The following INSM1 variants were observed in gnomAD, a reference collection of about 807,000 sequenced individuals.
INSM1 encodes the protein insulinoma-associated protein 1.
In INSM1, 11 loss-of-function variants were observed where a neutral mutation model predicts 21.1. That is an observed-to-expected ratio of 0.52 (90% CI 0.33 to 0.86). The LOEUF is 0.86. Among genes scored for constraint, INSM1 ranks in the 40% least tolerant of loss-of-function variants. INSM1 has a pLI of 0.03. For synonymous variants in INSM1, 473 were observed against 386.1 expected (o/e 1.23, Z -2.64); for missense variants, 843 against 760.1 (o/e 1.11, Z -1.28).
Position 20,370,115 on chromosome 20 carries a change from C to A in INSM1, c.*315C>A, listed in dbSNP as rs888747893. On this transcript the variant is annotated 3_prime_UTR_variant, in exon 1 of 1. Coordinates refer to ENST00000310227, the MANE Select transcript of INSM1 (RefSeq NM_002196.3). ...CTCGTGGTTGGAAGCCTCCCCTTGG[C>A]GGGGAGAAGCTTTTTTTCTTGCTAG... 2 of 327,162 alleles carry A rather than the reference C, an allele frequency of 6.1e-6. No homozygotes were observed. Among genetic ancestry groups the A allele is most frequent in the East Asian group, 1.1e-4 (2 of 18,112 alleles). 20.3% of individuals were successfully genotyped at this position (327,162 alleles called of 1,614,324 possible).
In INSM1 at chr20:20,368,970, G is replaced by A. The variant is rs767489803; in HGVS notation, c.703G>A (p.Val235Met). 1.3e-5 allele frequency: 20 copies of A among 1,554,598 alleles called. No homozygotes were observed. In the South Asian group the frequency reaches 2.2e-4, roughly 17 times the overall value. ...CCGCAAGCTGCACTTCGAGGACGAG[G>A]TGACCACGTCGCCCGTGCTGGGGCT... ...AIRKLHFEDE[V>M]TTSPVLGLKI... The change falls in exon 1 of 1, where the codon GTG becomes ATG. Residue 235 changes from valine to methionine, a missense_variant. Physicochemically the swap from Val to Met is conservative, Grantham distance 21. Coordinates refer to ENST00000310227, the MANE Select transcript of INSM1 (RefSeq NM_002196.3). This position sits in a 1 kb window ranked among gnomAD's most constrained non-coding sequence, Gnocchi z 4.3.
chr20:20,369,451 C>T lies in INSM1; in HGVS notation c.1184C>T (p.Ala395Val). The T allele has an allele frequency of 6.5e-7, 1 of 1,536,824 alleles. No homozygotes were observed. The highest frequency in any genetic ancestry group is 8.7e-7 in the Non-Finnish European group (1 of 1,152,468). ...CTGGCGCACCACCAGGCGCTGCAGG[C>T]CAAGGGCGCGCCGCTAGCGCCCCCG... ...HLLAHHQALQ[A>V]KGAPLAPPAE... The change falls in exon 1 of 1, where the codon GCC (alanine) becomes GTC (valine). Residue 395 changes from alanine (A) to valine (V), a missense_variant. By Grantham distance (64) the Ala-to-Val change is moderately conservative (BLOSUM62 0). Coordinates refer to ENST00000310227, the MANE Select transcript of INSM1 (RefSeq NM_002196.3). This position sits in a 1 kb window ranked among gnomAD's most constrained non-coding sequence, Gnocchi z 5.6.
Position 20,368,427 on chromosome 20 carries a change from C to G in INSM1, c.160C>G (p.Pro54Ala). ...GCCGAGCCCGGTCCCCGGGCCGCTG[C>G]CGCCGCCGCCGCCCGCGGAGCGCGC... is the stretch of plus-strand genomic sequence containing the variant. The part of the protein sequence containing the change: ...PAPSPVPGPL[P>A]PPPPAERAHA... The change falls in exon 1 of 1, where the codon CCG becomes GCG. Residue 54 changes from proline (P) to alanine (A), a missense_variant. By Grantham distance (27) the Pro-to-Ala change is conservative. Transcript: ENST00000310227. The surrounding 1 kb of genome is among the most constrained non-coding windows in gnomAD (Gnocchi z 4.3). 3.0e-6 allele frequency: 3 copies of G among 986,884 alleles called. No homozygotes were observed. Among genetic ancestry groups the G allele is most frequent in the Non-Finnish European group, 3.6e-6 (3 of 832,386 alleles). 61.1% of individuals were successfully genotyped at this position (986,884 alleles called of 1,614,324 possible).
chr20:20,368,923 G>C lies in INSM1; in HGVS notation c.656G>C (p.Gly219Ala), dbSNP rs764333302. Residue 219 changes from glycine to alanine, a missense_variant, in exon 1 of 1, where the codon GGC becomes GCC. Physicochemically the swap from Gly to Ala is moderately conservative, Grantham distance 60. Coordinates refer to ENST00000310227, the MANE Select transcript of INSM1 (RefSeq NM_002196.3). The surrounding 1 kb of genome is among the most constrained non-coding windows in gnomAD (Gnocchi z 4.3). ...EPPAKAVKAP[G>A]AKKPKAIRKL... The stretch of plus-strand genomic sequence containing the variant: ...CCCGCCAAGGCAGTCAAGGCCCCGG[G>C]CGCCAAGAAGCCCAAGGCCATCCGC... The C allele has an allele frequency of 5.9e-6, 9 of 1,520,658 alleles. No individual in the cohort carries two copies. The South Asian group carries it at 1.1e-4, about 19-fold the overall frequency. 94.2% of individuals were successfully genotyped at this position (1,520,658 alleles called of 1,614,324 possible).
Position 20,368,768 on chromosome 20 carries a change from C to A in INSM1, c.501C>A (p.Leu167=). The A allele has an allele frequency of 8.8e-7, 1 of 1,139,188 alleles. No individual in the cohort carries two copies. The highest frequency in any genetic ancestry group is 1.1e-6 in the Non-Finnish European group (1 of 910,680). 70.6% of individuals were successfully genotyped at this position (1,139,188 alleles called of 1,614,324 possible). Residue 167 remains leucine (L), a synonymous_variant, in exon 1 of 1, where the codon CTC becomes CTA. Coordinates refer to ENST00000310227, the MANE Select transcript of INSM1 (RefSeq NM_002196.3). The surrounding 1 kb of genome is among the most constrained non-coding windows in gnomAD (Gnocchi z 4.3). ...CGCTGCTCTTCGCGCCCGCCGAGCT[C>A]AAGATGGGCACGGCGTTCTCGGCTG... The part of the protein sequence containing the change: ...GDPLLFAPAE[L]KMGTAFSAGA...
rs1192016430 is a variant in INSM1 at position 20,368,228 on chromosome 20, G to C, written c.-40G>C. 1 of 1,100,028 alleles carries C rather than the reference G, an allele frequency of 9.1e-7. No homozygotes were observed. The highest frequency in any genetic ancestry group is 3.4e-5 in the South Asian group (1 of 29,236). The allele number at this position is 1,100,028 out of a possible 1,614,324, so 68.1% of individuals were successfully genotyped here. On this transcript the variant is annotated 5_prime_UTR_variant, in exon 1 of 1. Transcript: ENST00000310227. This position sits in a 1 kb window ranked among gnomAD's most constrained non-coding sequence, Gnocchi z 4.3. ...AGGGCCGCCGGGGCCGAGCGCGGAG[G>C]GGGGACCGAGCCAGTGCCGTGCCCT...
At position 20,369,512 on chromosome 20, in the gene INSM1, C is replaced by A. The variant is rs1341820408; in HGVS notation, c.1245C>A (p.Asp415Glu). 1 of 1,548,216 alleles carries A rather than the reference C, an allele frequency of 6.5e-7. No individual in the cohort carries two copies. The highest frequency in any genetic ancestry group is 8.7e-7 in the Non-Finnish European group (1 of 1,155,946). The change falls in exon 1 of 1, where the codon GAC (aspartate) becomes GAA (glutamate). Residue 415 changes from aspartate (D) to glutamate (E), a missense_variant. Asp to Glu is a conservative substitution (Grantham distance 45, BLOSUM62 2). Coordinates refer to ENST00000310227, the MANE Select transcript of INSM1 (RefSeq NM_002196.3). The surrounding 1 kb of genome is among the most constrained non-coding windows in gnomAD (Gnocchi z 5.6). ...EDLLALYPGP[D>E]EKAPQEAAGD... ...TACTGGCCTTGTACCCCGGGCCCGA[C>A]GAGAAGGCGCCCCAGGAGGCGGCCG...
At position 20,369,877 on chromosome 20, in the gene INSM1, G is replaced by T. The variant is rs1320639658; in HGVS notation, c.*77G>T. 4.6e-6 allele frequency: 6 copies of T among 1,302,330 alleles called. No individual in the cohort carries two copies. Among genetic ancestry groups the T allele is most frequent in the Non-Finnish European group, 5.2e-6 (5 of 961,800 alleles). 80.7% of individuals were successfully genotyped at this position (1,302,330 alleles called of 1,614,324 possible). A position where few individuals can be genotyped will look rare whatever the true frequency, so the allele number is the denominator to read the frequency against. ...AAAGAGAGTGCGCCCTGCACTCCCCGAACCCGAGTCCGCGCTGGGGGAGCC... is the reference window on the plus strand; with the variant it reads ...AAAGAGAGTGCGCCCTGCACTCCCCTAACCCGAGTCCGCGCTGGGGGAGCC... On this transcript the variant is annotated 3_prime_UTR_variant, in exon 1 of 1. Coordinates refer to ENST00000310227, the MANE Select transcript of INSM1 (RefSeq NM_002196.3). The surrounding 1 kb of genome is among the most constrained non-coding windows in gnomAD (Gnocchi z 5.6).
Position 20,370,891 on chromosome 20 carries a change from T to C in INSM1, c.*1091T>C, listed in dbSNP as rs1358468587. ...GTTAGCTATTTATAGAAAGCTTCAA[T>C]AGAACTGTTTCAACTGTATAACTAT... On this transcript the variant is annotated 3_prime_UTR_variant, in exon 1 of 1. Transcript: ENST00000310227. 4 of 167,002 alleles carry C rather than the reference T, an allele frequency of 2.4e-5. No individual in the cohort carries two copies. The East Asian group carries it at 7.7e-4, about 32-fold the overall frequency. 10.3% of individuals were successfully genotyped at this position (167,002 alleles called of 1,614,324 possible).
Position 20,368,628 on chromosome 20 carries a change from A to G in INSM1, c.361A>G (p.Asn121Asp), listed in dbSNP as rs200301913. Residue 121 changes from asparagine (N) to aspartate (D), a missense_variant, in exon 1 of 1, where the codon AAC becomes GAC. Physicochemically the swap from Asn to Asp is conservative, Grantham distance 23. Coordinates refer to ENST00000310227, the MANE Select transcript of INSM1 (RefSeq NM_002196.3). The surrounding 1 kb of genome is among the most constrained non-coding windows in gnomAD (Gnocchi z 4.3). Reference protein sequence around the residue: ...EKHKYFERSFNLGSPVSAESF... With the variant: ...EKHKYFERSFDLGSPVSAESF... ...GCACAAGTACTTCGAACGCAGCTTCAACCTGGGCTCGCCGGTCTCGGCCGA... is the reference window on the plus strand; with the variant it reads ...GCACAAGTACTTCGAACGCAGCTTCGACCTGGGCTCGCCGGTCTCGGCCGA... The G allele has an allele frequency of 2.2e-4, 315 of 1,457,208 alleles. No individual in the cohort carries two copies. The highest frequency in any genetic ancestry group is 2.8e-4 in the Non-Finnish European group (310 of 1,091,060). The allele number at this position is 1,457,208 out of a possible 1,614,324, so 90.3% of individuals were successfully genotyped here.
chr20:20,368,144 TCGCCGG>T lies in INSM1; in HGVS notation c.-119_-114del. The T allele has an allele frequency of 1.4e-6, 1 of 696,608 alleles. No individual in the cohort carries two copies. Among genetic ancestry groups the T allele is most frequent in the African/African-American group, 1.9e-5 (1 of 51,348 alleles). The allele number at this position is 696,608 out of a possible 1,614,324, so 43.2% of individuals were successfully genotyped here. Reference sequence around the variant, plus strand: ...CAGGGCGCAGAGCTGGGCCGAGCCGTCGCCGGCGCCACGCGAGTCCCGCAGCCGCCG... The same window carrying T: ...CAGGGCGCAGAGCTGGGCCGAGCCGTCGCCACGCGAGTCCCGCAGCCGCCG... On this transcript the variant is annotated 5_prime_UTR_variant, in exon 1 of 1. Coordinates refer to ENST00000310227, the MANE Select transcript of INSM1 (RefSeq NM_002196.3). The surrounding 1 kb of genome is among the most constrained non-coding windows in gnomAD (Gnocchi z 4.3).
chr20:20,368,267 C>A lies in INSM1; in HGVS notation c.-1C>A. The A allele has an allele frequency of 7.9e-7, 1 of 1,262,596 alleles. No individual in the cohort carries two copies. The highest frequency in any genetic ancestry group is 1.7e-5 in the South Asian group (1 of 57,816). The allele number at this position is 1,262,596 out of a possible 1,614,324, so 78.2% of individuals were successfully genotyped here. A position where few individuals can be genotyped will look rare whatever the true frequency, so the allele number is the denominator to read the frequency against. On this transcript the variant is annotated 5_prime_UTR_variant, in exon 1 of 1. Transcript: ENST00000310227. The surrounding 1 kb of genome is among the most constrained non-coding windows in gnomAD (Gnocchi z 4.3). The stretch of plus-strand genomic sequence containing the variant: ...GTGCCGTGCCCTCGGGCCGCGCCAA[C>A]ATGCCCCGCGGCTTCCTGGTGAAGC...
rs1302990745 is a variant in INSM1 at position 20,369,902 on chromosome 20, C to T, written c.*102C>T. 6.0e-5 allele frequency: 58 copies of T among 974,372 alleles called. No individual in the cohort carries two copies. Among genetic ancestry groups the T allele is most frequent in the Non-Finnish European group, 4.0e-5 (27 of 672,942 alleles). The allele number at this position is 974,372 out of a possible 1,614,324, so 60.4% of individuals were successfully genotyped here. A position where few individuals can be genotyped will look rare whatever the true frequency, so the allele number is the denominator to read the frequency against. The stretch of plus-strand genomic sequence containing the variant: ...GAACCCGAGTCCGCGCTGGGGGAGC[C>T]TCGCCCCCGCCCCCACCGGGTGAAA... On this transcript the variant is annotated 3_prime_UTR_variant, in exon 1 of 1. Coordinates refer to ENST00000310227, the MANE Select transcript of INSM1 (RefSeq NM_002196.3). This position sits in a 1 kb window ranked among gnomAD's most constrained non-coding sequence, Gnocchi z 5.6.
In INSM1 at chr20:20,368,134, G is replaced by C. The variant is rs1375042434; in HGVS notation, c.-134G>C. ...GACGCGCGTGCAGGGCGCAGAGCTG[G>C]GCCGAGCCGTCGCCGGCGCCACGCG... On this transcript the variant is annotated 5_prime_UTR_variant, in exon 1 of 1. Coordinates refer to ENST00000310227, the MANE Select transcript of INSM1 (RefSeq NM_002196.3). The surrounding 1 kb of genome is among the most constrained non-coding windows in gnomAD (Gnocchi z 4.3). 12 of 592,428 alleles carry C rather than the reference G, an allele frequency of 2.0e-5. No homozygotes were observed. Among genetic ancestry groups the C allele is most frequent in the Non-Finnish European group, 2.6e-5 (12 of 461,498 alleles). 36.7% of individuals were successfully genotyped at this position (592,428 alleles called of 1,614,324 possible).
In INSM1 at chr20:20,368,504, C is replaced by T. The variant is rs1226329774; in HGVS notation, c.237C>T (p.Pro79=). The part of the protein sequence containing the change: ...ALACAPGPQP[P]PQGPRAAHFG... ...CCTGCGCGCCTGGGCCGCAGCCACC[C>T]CCGCAGGGCCCGCGGGCCGCGCACT... Residue 79 remains proline (P), a synonymous_variant, in exon 1 of 1, where the codon CCC becomes CCT. Coordinates refer to ENST00000310227, the MANE Select transcript of INSM1 (RefSeq NM_002196.3). The surrounding 1 kb of genome is among the most constrained non-coding windows in gnomAD (Gnocchi z 4.3). 4 of 1,199,262 alleles carry T rather than the reference C, an allele frequency of 3.3e-6. No homozygotes were observed. Among genetic ancestry groups the T allele is most frequent in the South Asian group, 2.8e-5 (1 of 36,044 alleles). The allele number at this position is 1,199,262 out of a possible 1,614,324, so 74.3% of individuals were successfully genotyped here.
chr20:20,368,710 G>C lies in INSM1; in HGVS notation c.443G>C (p.Gly148Ala). Residue 148 changes from glycine (G) to alanine (A), a missense_variant, in exon 1 of 1, where the codon GGA becomes GCA. Physicochemically the swap from Gly to Ala is moderately conservative, Grantham distance 60. Transcript: ENST00000310227. The surrounding 1 kb of genome is among the most constrained non-coding windows in gnomAD (Gnocchi z 4.3). Reference protein sequence around the residue: ...LGGGGGGGASGAGGGGTCGGD... With the variant: ...LGGGGGGGASAAGGGGTCGGD... ...GGGGGCGGCGGCGGCGGCGCGAGCGGAGCTGGCGGAGGCGGCACCTGCGGC... is the reference window on the plus strand; with the variant it reads ...GGGGGCGGCGGCGGCGGCGCGAGCGCAGCTGGCGGAGGCGGCACCTGCGGC... The C allele has an allele frequency of 1.6e-6, 2 of 1,227,880 alleles. No homozygotes were observed. Among genetic ancestry groups the C allele is most frequent in the Non-Finnish European group, 2.1e-6 (2 of 973,190 alleles). The allele number at this position is 1,227,880 out of a possible 1,614,324, so 76.1% of individuals were successfully genotyped here. A position where few individuals can be genotyped will look rare whatever the true frequency, so the allele number is the denominator to read the frequency against.
In INSM1 at chr20:20,368,867, G is replaced by A. The variant is rs564283316; in HGVS notation, c.600G>A (p.Lys200=). The A allele has an allele frequency of 1.1e-4, 152 of 1,377,404 alleles. 1 individual carries two copies. The African/African-American group carries it at 2.0e-3, about 18-fold the overall frequency. 85.3% of individuals were successfully genotyped at this position (1,377,404 alleles called of 1,614,324 possible). A position where few individuals can be genotyped will look rare whatever the true frequency, so the allele number is the denominator to read the frequency against. Reference sequence around the variant, plus strand: ...CCGCCGCCCTGCGGCCCCCGGGAAAGCGGCCCCCGCCCCCTACCGCCGCGG... The same window carrying A: ...CCGCCGCCCTGCGGCCCCCGGGAAAACGGCCCCCGCCCCCTACCGCCGCGG... ...PPAAALRPPG[K]RPPPPTAAEP... Residue 200 remains lysine (K), a synonymous_variant, in exon 1 of 1, where the codon AAG becomes AAA. Coordinates refer to ENST00000310227, the MANE Select transcript of INSM1 (RefSeq NM_002196.3). The surrounding 1 kb of genome is among the most constrained non-coding windows in gnomAD (Gnocchi z 4.3).
In INSM1 at chr20:20,369,802, G is replaced by A. The variant is rs1170324707; in HGVS notation, c.*2G>A. On this transcript the variant is annotated 3_prime_UTR_variant, in exon 1 of 1. Coordinates refer to ENST00000310227, the MANE Select transcript of INSM1 (RefSeq NM_002196.3). The surrounding 1 kb of genome is among the most constrained non-coding windows in gnomAD (Gnocchi z 5.6). ...GTGCCCGTGCGCCCGGCCTGCTAGA[G>A]CGCGCCCTCCACCCCGGCCCCCGAA... The A allele has an allele frequency of 6.3e-6, 10 of 1,586,778 alleles. No individual in the cohort carries two copies. Among genetic ancestry groups the A allele is most frequent in the Non-Finnish European group, 7.7e-6 (9 of 1,166,066 alleles).
Position 20,368,793 on chromosome 20 carries a change from G to C in INSM1, c.526G>C (p.Gly176Arg). ...ELKMGTAFSAGAEAARGPGPG... is the reference protein window; with the variant it reads ...ELKMGTAFSARAEAARGPGPG... ...CAAGATGGGCACGGCGTTCTCGGCTGGCGCCGAGGCGGCCCGCGGCCCGGG... is the reference window on the plus strand; with the variant it reads ...CAAGATGGGCACGGCGTTCTCGGCTCGCGCCGAGGCGGCCCGCGGCCCGGG... The change falls in exon 1 of 1, where the codon GGC becomes CGC. Residue 176 changes from glycine (G) to arginine (R), a missense_variant. Coordinates refer to ENST00000310227, the MANE Select transcript of INSM1 (RefSeq NM_002196.3). This position sits in a 1 kb window ranked among gnomAD's most constrained non-coding sequence, Gnocchi z 4.3. 1.8e-6 allele frequency: 2 copies of C among 1,094,398 alleles called. No individual in the cohort carries two copies. 67.8% of individuals were successfully genotyped at this position (1,094,398 alleles called of 1,614,324 possible). A position where few individuals can be genotyped will look rare whatever the true frequency, so the allele number is the denominator to read the frequency against.
Sources: gnomAD v4.1 joint callset for allele counts on GRCh38, gnomAD v4.1.1 for gene constraint, Gnocchi (gnomAD v3.1) non-coding constraint, MANE v1.5 for transcripts, NCBI Gene and HGNC (gene_info 2026-07-23, HGNC 2026-07-21) for gene names.